Variants in UNC13C observed in about 807,000 individuals in gnomAD.
UNC13C encodes the protein protein unc-13 homolog C.
UNC13C carries 174 observed loss-of-function variants against 245.4 expected under a neutral mutation model. The ratio of observed to expected loss-of-function variants is 0.71; its 90% CI spans 0.63 to 0.80. The LOEUF is 0.80. UNC13C is among the 30% of genes least tolerant of loss of function. The probability of loss-of-function intolerance (pLI) is 0.00; values close to 1 mark genes in which losing one functional copy is unlikely to be tolerated. For synonymous variants in UNC13C, 992 were observed against 895.1 expected (o/e 1.11, Z -1.93); for missense variants, 2,829 against 2,602.9 (o/e 1.09, Z -1.89).
rs191073452 is a variant in UNC13C at position 54,426,137 on chromosome 15, A to G, written c.4933+11070A>G. 2.3e-3 allele frequency among the ~76,000 whole-genome samples: 349 copies of G among 151,732 alleles called. 2 individuals carry two copies. Among genetic ancestry groups the G allele is most frequent in the Non-Finnish European group, 4.0e-3 (270 of 67,778 alleles). ...TGTCTTAAGGTCAGCTGATTAGCAAACTTAATTCCAGCTGAAGCCTTAATT... is the reference window on the plus strand; with the variant it reads ...TGTCTTAAGGTCAGCTGATTAGCAAGCTTAATTCCAGCTGAAGCCTTAATT... On this transcript the variant is annotated intron_variant, in intron 19 of 32. Transcript: ENST00000260323.
the UNC13C span, among the ~76,000 whole-genome samples, chr15:53,941,340 A>G: frequency 8.5e-5 from 13 of 152,332 alleles, no homozygotes; most frequent in East Asian, 2.3e-3. Context: ...AACTATAAAA[A>G]CCATAGAAGA....
At chr15:54,163,281 G>A (rs181979016) in intron 4 of UNC13C, among the ~76,000 whole-genome samples, 99 of 152,214 alleles carry the variant, frequency 6.5e-4, no homozygotes, top group African/African-American at 2.1e-3. Context: ...AAGACTGCAG[G>A]TAGCCTCAAC....
chr15:54,250,502 T>G (rs1433721295), intron 8 of UNC13C, 58 bp downstream of exon 8: 2 of 1,471,310 alleles, frequency 1.4e-6, no homozygotes, highest in African/African-American at 2.8e-5. Context: ...TTCCATCTGT[T>G]TCATGTTAGA....
intron 10 of UNC13C, among the ~76,000 whole-genome samples, chr15:54,293,424 C>T (rs1195557647): frequency 6.6e-6 from 1 of 151,898 alleles, no homozygotes; most frequent in Non-Finnish European, 1.5e-5. Context: ...ATCTTATGTG[C>T]TTACTGGGAT....
the UNC13C span, among the ~76,000 whole-genome samples, chr15:53,885,086 T>C: frequency 3.9e-5 from 6 of 152,220 alleles, no homozygotes; most frequent in African/African-American, 1.4e-4. Context: ...TTAGTTTTTA[T>C]AAATAGAAAG....
the UNC13C span, among the ~76,000 whole-genome samples, chr15:53,958,166 C>G: frequency 2.0e-5 from 3 of 152,102 alleles, no homozygotes; most frequent in Non-Finnish European, 4.4e-5. Context: ...GTCACCCAAT[C>G]CCCTTTTTTC....
intron 2 of UNC13C, among the ~76,000 whole-genome samples, chr15:54,070,100 C>G (rs1898250120): frequency 6.6e-6 from 1 of 152,230 alleles, no homozygotes; most frequent in Non-Finnish European, 1.5e-5. Context: ...GAAGCCCCTA[C>G]TGGGGCGATT....
intron 30 of UNC13C, among the ~76,000 whole-genome samples, chr15:54,586,146 T>G (rs1317951816): frequency 1.3e-5 from 2 of 152,194 alleles, no homozygotes; most frequent in Admixed American, 1.3e-4. Flanking sequence ...TAAGTTAGCT[T>G]TTAAAAATTT....
At chr15:53,908,901 A>G in the UNC13C span, among the ~76,000 whole-genome samples, 1 of 146,568 alleles carries the variant, frequency 6.8e-6, no homozygotes, top group African/African-American at 2.4e-5. Flanking sequence ...TAACAAAATT[A>G]TAAGAATGTT....
chr15:54,586,836 A>T (rs1490897845), intron 30 of UNC13C, among the ~76,000 whole-genome samples: 5 of 152,364 alleles, frequency 3.3e-5, no homozygotes, highest in African/African-American at 9.6e-5. Flanking sequence ...TTAGCCAGGG[A>T]GTAAATCGTT....
chr15:53,853,133 C>A, the UNC13C span, among the ~76,000 whole-genome samples: 1 of 151,996 alleles, frequency 6.6e-6, no homozygotes, highest in Admixed American at 6.6e-5. Flanking sequence ...AGGTATTAAG[C>A]CCAGCATCCA....
intron 18 of UNC13C, among the ~76,000 whole-genome samples, chr15:54,399,358 T>C (rs517562): frequency 0.8 from 121,751 of 151,586 alleles, 48,957 homozygotes; most frequent in Admixed American, 0.84. Context: ...TAGAGAAGTT[T>C]TGCTATATGT....
At chr15:54,398,803 T>C (rs1342795367) in intron 18 of UNC13C, among the ~76,000 whole-genome samples, 1 of 151,494 alleles carries the variant, frequency 6.6e-6, no homozygotes, top group African/African-American at 2.4e-5. Flanking sequence ...TCTGAACTGA[T>C]TTTTCCTCTC....
chr15:53,940,466 G>C, the UNC13C span, among the ~76,000 whole-genome samples: 2 of 152,064 alleles, frequency 1.3e-5, no homozygotes, highest in East Asian at 3.9e-4. Context: ...GTTCTGGCTA[G>C]GGTAATCAGG....
the UNC13C span, among the ~76,000 whole-genome samples, chr15:53,917,502 G>T: frequency 7.4e-3 from 1,121 of 152,322 alleles, 9 homozygotes; most frequent in African/African-American, 0.025. Flanking sequence ...ATTGTCATTT[G>T]CCTGAACACA....
chr15:54,297,787 C>A (rs371969778), intron 11 of UNC13C, 24 bp from the exon 12 acceptor site: 5 of 1,512,882 alleles, frequency 3.3e-6, no homozygotes, highest in Non-Finnish European at 2.7e-6. Context: ...ACATGACTGA[C>A]CAATTGCCTT....
chr15:54,035,971 G>A (rs546942831), intron 2 of UNC13C, among the ~76,000 whole-genome samples: 1 of 152,108 alleles, frequency 6.6e-6, no homozygotes, highest in African/African-American at 2.4e-5. Context: ...AATACTTCAG[G>A]GATTTTGTAG....
At chr15:53,884,809 C>G in the UNC13C span, among the ~76,000 whole-genome samples, 6 of 152,192 alleles carry the variant, frequency 3.9e-5, no homozygotes, top group African/African-American at 1.4e-4. Context: ...TTCTCTAGTT[C>G]CCCCCTCTTT....
intron 2 of UNC13C, among the ~76,000 whole-genome samples, chr15:54,062,350 C>T (rs912119137): frequency 1.3e-5 from 2 of 151,808 alleles, no homozygotes; most frequent in African/African-American, 4.8e-5. Flanking sequence ...AATCTCCATC[C>T]TCTGTGTGAT....
Sources: gnomAD v4.1 joint callset for allele counts (sites outside exome capture counted in the v4.1 genomes callset) on GRCh38, gnomAD v4.1.1 for gene constraint, MANE v1.5 for transcripts, NCBI Gene and HGNC (gene_info 2026-07-23, HGNC 2026-07-21) for gene names.